MEAF6: variants seen among roughly 807,000 people sequenced by gnomAD.
The protein encoded by MEAF6 is chromatin modification-related protein MEAF6.
MEAF6 carries 15 observed loss-of-function variants against 28.9 expected under a neutral mutation model. That is an observed-to-expected ratio of 0.52 (90% confidence interval 0.35 to 0.80). The LOEUF (loss-of-function observed/expected upper bound fraction) is 0.80. Among genes scored for constraint, MEAF6 ranks in the 30% least tolerant of loss-of-function variants. MEAF6 has a pLI of 0.01. For missense variants in MEAF6, 178 were observed against 237.5 expected (o/e 0.75, Z 1.65); for synonymous variants, 97 against 88.7 (o/e 1.09, Z -0.53).
rs1456381794 is a variant in MEAF6 at position 37,492,679 on chromosome 1, A to G, written c.*1420T>C. On this transcript the variant is annotated 3_prime_UTR_variant, in exon 7 of 7. Transcript: ENST00000296214. ...GATGCCATCCATATTCAGCCCTACC[A>G]ATACTATCACAAATGAAACATACTA... is the stretch of plus-strand genomic sequence containing the variant. 6.6e-6 allele frequency: 1 copy of G among 152,540 alleles called. No individual in the cohort carries two copies. The highest frequency in any genetic ancestry group is 1.9e-4 in the East Asian group (1 of 5,194). 9.4% of individuals were successfully genotyped at this position (152,540 alleles called of 1,614,324 possible). A position where few individuals can be genotyped will look rare whatever the true frequency, so the allele number is the denominator to read the frequency against.
intron 4 of MEAF6, among the ~76,000 whole-genome samples, chr1:37,507,063 T>TA (rs1387133044): frequency 1.3e-5 from 2 of 152,194 alleles, no homozygotes; most frequent in African/African-American, 4.8e-5. Context: ...CTCACGCCTG[T>TA]AATCCCAGCA....
chr1:37,501,824 T>G lies in MEAF6; in HGVS notation c.513A>C (p.Arg171=). The G allele has an allele frequency of 6.3e-7, 1 of 1,591,432 alleles. No individual in the cohort carries two copies. The highest frequency in any genetic ancestry group is 8.6e-7 in the Non-Finnish European group (1 of 1,164,014). Residue 171 remains arginine, a synonymous_variant, in exon 5 of 7, where the codon CGA becomes CGC. Transcript: ENST00000296214. ...SGSHHSSHKK[R]KNKNRHRIDL... is the part of the protein sequence containing the mutation. Reference sequence around the variant, plus strand: ...CTGACCTGTGCCGGTTTTTATTCTTTCGCTTTTTATGGCTGCTGTGGTGAC... The same window carrying G: ...CTGACCTGTGCCGGTTTTTATTCTTGCGCTTTTTATGGCTGCTGTGGTGAC...
chr1:37,494,854 A>G (rs1416332902), intron 6 of MEAF6, among the ~76,000 whole-genome samples: 3 of 152,092 alleles, frequency 2.0e-5, no homozygotes, highest in African/African-American at 4.8e-5. Flanking sequence ...AAATTTAAAA[A>G]AAGATTCTAT....
rs1329531469 is a variant in MEAF6, at chr1:37,493,068, G to T, written c.*1031C>A. On this transcript the variant is annotated 3_prime_UTR_variant, in exon 7 of 7. Coordinates refer to ENST00000296214, the MANE Select transcript of MEAF6 (RefSeq NM_001270875.3). ...GCCCCAACAAGCCCTCCAAGAAAGG[G>T]AGACCTGGTGGGCAACACTGGCTCT... 6.6e-6 allele frequency: 1 copy of T among 152,184 alleles called. No individual in the cohort carries two copies. The highest frequency in any genetic ancestry group is 1.9e-4 in the East Asian group (1 of 5,192). 9.4% of individuals were successfully genotyped at this position (152,184 alleles called of 1,614,324 possible).
chr1:37,497,615 G>C (rs1642165755), intron 5 of MEAF6, among the ~76,000 whole-genome samples: 1 of 148,622 alleles, frequency 6.7e-6, no homozygotes, highest in Non-Finnish European at 1.5e-5. Context: ...TTTTGAGACA[G>C]AGTTTTGCTC....
chr1:37,502,003 G>A lies in MEAF6; in HGVS notation c.341-7C>T, dbSNP rs1642321761. Reference sequence around the variant, plus strand: ...GTCCCACTTCCTGGCTCCCCTGAAGGAAATAAAACACAAGTTTCCAAATGC... The same window carrying A: ...GTCCCACTTCCTGGCTCCCCTGAAGAAAATAAAACACAAGTTTCCAAATGC... On this transcript the variant is annotated splice_region_variant and splice_polypyrimidine_tract_variant and intron_variant, in intron 4 of 6. Transcript: ENST00000296214. The A allele has an allele frequency of 1.9e-6, 3 of 1,586,074 alleles. No homozygotes were observed. The highest frequency in any genetic ancestry group is 1.7e-5 in the Admixed American group (1 of 57,912).
intron 2 of MEAF6, among the ~76,000 whole-genome samples, chr1:37,512,725 A>G (rs753019545): frequency 6.6e-6 from 1 of 152,092 alleles, no homozygotes; most frequent in Non-Finnish European, 1.5e-5. Context: ...TCCCACTTCT[A>G]CAAAAAAAAG....
intron 4 of MEAF6, among the ~76,000 whole-genome samples, chr1:37,502,826 C>T (rs1386132916): frequency 6.6e-6 from 1 of 151,896 alleles, no homozygotes; most frequent in Non-Finnish European, 1.5e-5. Flanking sequence ...TGCCATGTTG[C>T]CCAGGCTGGT....
intron 5 of MEAF6, among the ~76,000 whole-genome samples, chr1:37,498,409 T>TTTATTATTATTA (rs35576307): frequency 2.0e-4 from 24 of 122,528 alleles, no homozygotes; most frequent in African/African-American, 5.0e-4. Flanking sequence ...TATGTTATTT[T>TTTATTATTATTA]TTATTATTAT....
intron 5 of MEAF6, among the ~76,000 whole-genome samples, chr1:37,499,265 G>GT (rs1346331587): frequency 6.6e-6 from 1 of 152,170 alleles, no homozygotes; most frequent in African/African-American, 2.4e-5. Flanking sequence ...CTGGCACACA[G>GT]TAAGTACTCA....
rs1199237087 is a variant in MEAF6 at position 37,492,261 on chromosome 1, C to A, written c.*1838G>T. Among the ~76,000 whole-genome samples the A allele has an allele frequency of 6.6e-6, 1 of 152,000 alleles. No individual in the cohort carries two copies. Among genetic ancestry groups the A allele is most frequent in the Non-Finnish European group, 1.5e-5 (1 of 68,004 alleles). On this transcript the variant is annotated 3_prime_UTR_variant, in exon 7 of 7. Coordinates refer to ENST00000296214, the MANE Select transcript of MEAF6 (RefSeq NM_001270875.3). Reference sequence around the variant, plus strand: ...GCCAGGATGGTCTCGATCTCCTGACCTCGTGATCCGCCCGCTTCGGCCTCC... The same window carrying A: ...GCCAGGATGGTCTCGATCTCCTGACATCGTGATCCGCCCGCTTCGGCCTCC...
Position 37,500,688 on chromosome 1 carries a change from A to G in MEAF6, c.533+1116T>C, listed in dbSNP as rs1008269464. Among the ~76,000 whole-genome samples, 5 of 152,250 alleles carry G rather than the reference A, an allele frequency of 3.3e-5. No homozygotes were observed. The East Asian group carries it at 7.7e-4, about 23-fold the overall frequency. On this transcript the variant is annotated intron_variant, in intron 5 of 6. Transcript: ENST00000296214. ...CAGCTGACGCCAATCAAGGAGGTTC[A>G]AATCAGGTAGAGTTAATCCTACATT... is the stretch of plus-strand genomic sequence containing the variant.
chr1:37,509,644 C>G (rs1039991434), intron 2 of MEAF6, 102 bp from the exon 3 acceptor site: 4 of 994,968 alleles, frequency 4.0e-6, no homozygotes, highest in Non-Finnish European at 6.1e-6. Context: ...TTCCATGTCA[C>G]TCAGACTGGC....
intron 4 of MEAF6, among the ~76,000 whole-genome samples, chr1:37,502,980 T>C (rs1642364435): frequency 6.6e-6 from 1 of 152,088 alleles, no homozygotes; most frequent in African/African-American, 2.4e-5. Context: ...TCACCCAGGC[T>C]AGAGTGCACT....
chr1:37,495,750 C>A (rs569996235), intron 6 of MEAF6, 135 bp downstream of exon 6: 28 of 578,632 alleles, frequency 4.8e-5, no homozygotes, highest in African/African-American at 2.3e-4. Flanking sequence ...TGAAGTATAT[C>A]CAGATGGACA....
At chr1:37,512,933 G>A (rs1406810670) in intron 2 of MEAF6, among the ~76,000 whole-genome samples, 2 of 152,096 alleles carry the variant, frequency 1.3e-5, no homozygotes, top group Non-Finnish European at 2.9e-5. Context: ...GCTCACACCT[G>A]TAATCCCAAC....
At chr1:37,495,727 A>C in intron 6 of MEAF6, 158 bp downstream of exon 6, 1 of 581,818 alleles carries the variant, frequency 1.7e-6, no homozygotes. Context: ...AAACAAAAAA[A>C]CCACCTAAAA....
Position 37,493,749 on chromosome 1 carries a change from A to C in MEAF6, c.*350T>G. ...TACTTTCAGCATAAAACAAAACCAG[A>C]GAACATTTCTTGAAGGGTATCACAG... On this transcript the variant is annotated 3_prime_UTR_variant, in exon 7 of 7. Transcript: ENST00000296214. The C allele has an allele frequency of 6.5e-7, 1 of 1,539,424 alleles. No homozygotes were observed. Among genetic ancestry groups the C allele is most frequent in the Non-Finnish European group, 8.8e-7 (1 of 1,137,394 alleles).
intron 5 of MEAF6, 115 bp downstream of exon 5, chr1:37,501,689 T>C (rs1642308402): frequency 9.2e-7 from 1 of 1,088,192 alleles, no homozygotes; most frequent in African/African-American, 1.6e-5. Flanking sequence ...CTAATGACTT[T>C]CTTGCCATCA....
Sources: allele counts gnomAD v4.1 joint callset (sites outside exome capture counted in the v4.1 genomes callset), GRCh38; gene constraint gnomAD v4.1.1; transcripts MANE v1.5; gene names NCBI Gene and HGNC (gene_info 2026-07-23, HGNC 2026-07-21).